Variants in GLS observed in about 807,000 individuals in gnomAD.
GLS encodes the protein glutaminase, also known as glutaminase kidney isoform, mitochondrial.
Under a neutral mutation model 86.7 loss-of-function variants are expected in GLS, and 36 were observed. The ratio of observed to expected loss-of-function variants is 0.42; its 90% CI spans 0.32 to 0.55. The LOEUF (loss-of-function observed/expected upper bound fraction) is 0.55. GLS is among the 20% of genes least tolerant of loss of function. The probability of loss-of-function intolerance (pLI) is 0.17; values close to 1 mark genes in which losing one functional copy is unlikely to be tolerated. For synonymous variants in GLS, 317 were observed against 305.9 expected (o/e 1.04, Z -0.38); for missense variants, 528 against 833.4 (o/e 0.63, Z 4.51).
At chr2:190,892,331 A>C (rs1044996792) in intron 1 of GLS, among the ~76,000 whole-genome samples, 2 of 152,206 alleles carry the variant, frequency 1.3e-5, no homozygotes, top group African/African-American at 4.8e-5. Context: ...ATTTTCCTTC[A>C]GATTATCTTC....
chr2:190,925,956 G>A (rs1388301151), intron 11 of GLS, among the ~76,000 whole-genome samples: 1 of 152,012 alleles, frequency 6.6e-6, no homozygotes, highest in African/African-American at 2.4e-5. Flanking sequence ...CCCCTGGTCT[G>A]TATGAATTTT....
At position 190,954,248 on chromosome 2, in the gene GLS, A is replaced by G. The variant is rs377138966; in HGVS notation, c.1713-336A>G. ...TCTTAGTAAAACATACAACTTTACT[A>G]TAGGGATTAGTTTCTTGCCCTTATG... On this transcript the variant is annotated intron_variant, in intron 15 of 17. Transcript: ENST00000320717. The surrounding 1 kb of genome is among the most constrained non-coding windows in gnomAD (Gnocchi z 4.0). Among the ~76,000 whole-genome samples the G allele has an allele frequency of 1.4e-4, 21 of 152,198 alleles. No individual in the cohort carries two copies. Among genetic ancestry groups the G allele is most frequent in the Non-Finnish European group, 2.4e-4 (16 of 68,014 alleles).
At chr2:190,883,955 A>G (rs1269273730) in intron 1 of GLS, among the ~76,000 whole-genome samples, 22 of 152,186 alleles carry the variant, frequency 1.4e-4, no homozygotes, top group Admixed American at 1.3e-3. Context: ...ACTTTAGACT[A>G]TGCTGTTTCC....
chr2:190,963,019 C>G lies in GLS; in HGVS notation c.*33C>G, dbSNP rs141091957. On this transcript the variant is annotated 3_prime_UTR_variant, in exon 18 of 18. Coordinates refer to ENST00000320717, the MANE Select transcript of GLS (RefSeq NM_014905.5). ...AAATCCCAAGATTTAAATCACTTAC[C>G]TATTTAATTGTGGAAAATGATTATG... The G allele has an allele frequency of 2.3e-5, 33 of 1,445,366 alleles. No individual in the cohort carries two copies. The highest frequency in any genetic ancestry group is 2.8e-5 in the African/African-American group (2 of 70,290). 89.5% of individuals were successfully genotyped at this position (1,445,366 alleles called of 1,614,324 possible). A position where few individuals can be genotyped will look rare whatever the true frequency, so the allele number is the denominator to read the frequency against.
chr2:190,945,070 A>ATAGT (rs3036651), intron 14 of GLS, among the ~76,000 whole-genome samples: 139,278 of 151,844 alleles, frequency 0.92, 63,926 homozygotes, highest in Admixed American at 0.93. Flanking sequence ...GACCCAGTAG[A>ATAGT]TAGTAGTTGC....
chr2:190,904,619 T>G (rs1424939476), intron 5 of GLS, among the ~76,000 whole-genome samples: 1 of 152,166 alleles, frequency 6.6e-6, no homozygotes, highest in Admixed American at 6.5e-5. Context: ...TGTACAGACA[T>G]TTTTTCCTTG....
rs990798420 is a variant in GLS, at chr2:190,962,938, C to T, written c.1962C>T (p.Asn654=). 1.2e-5 allele frequency: 19 copies of T among 1,609,982 alleles called. No individual in the cohort carries two copies. The highest frequency in any genetic ancestry group is 4.5e-5 in the East Asian group (2 of 44,784). ...ACACACCTCAAGGAGATTCTGACAACGGGAAGGAAAATCAAACCGTCCATA... is the reference window on the plus strand; with the variant it reads ...ACACACCTCAAGGAGATTCTGACAATGGGAAGGAAAATCAAACCGTCCATA... The part of the protein sequence containing the change: ...VQYTPQGDSD[N]GKENQTVHKN... The change falls in exon 18 of 18, where the codon AAC becomes AAT. Residue 654 remains asparagine (N), a synonymous_variant. Transcript: ENST00000320717. The surrounding 1 kb of genome is among the most constrained non-coding windows in gnomAD (Gnocchi z 4.2).
chr2:190,937,952 G>A (rs1421797247), intron 14 of GLS, among the ~76,000 whole-genome samples: 1 of 150,200 alleles, frequency 6.7e-6, no homozygotes, highest in Non-Finnish European at 1.5e-5. Context: ...CCCTCAAAAG[G>A]CAAGCGTTAG....
chr2:190,951,154 A>G lies in GLS; in HGVS notation c.1651-2411A>G, dbSNP rs1253834802. Among the ~76,000 whole-genome samples the G allele has an allele frequency of 1.3e-5, 2 of 152,158 alleles. No individual in the cohort carries two copies. Among genetic ancestry groups the G allele is most frequent in the African/African-American group, 4.8e-5 (2 of 41,442 alleles). ...CCTTGGGAGTAGTATTTGGCAGTGG[A>G]AAGTGGGTAATGAATCTGCAAAGCA... On this transcript the variant is annotated intron_variant, in intron 14 of 17. Coordinates refer to ENST00000320717, the MANE Select transcript of GLS (RefSeq NM_014905.5). The surrounding 1 kb of genome is among the most constrained non-coding windows in gnomAD (Gnocchi z 4.2).
rs1342201136 is a variant in GLS, at chr2:190,930,016, C to T, written c.1426-421C>T. 2.6e-5 allele frequency among the ~76,000 whole-genome samples: 4 copies of T among 151,406 alleles called. No homozygotes were observed. Among genetic ancestry groups the T allele is most frequent in the South Asian group, 2.1e-4 (1 of 4,810 alleles). On this transcript the variant is annotated intron_variant, in intron 12 of 17. Transcript: ENST00000320717. The surrounding 1 kb of genome is among the most constrained non-coding windows in gnomAD (Gnocchi z 5.0). Reference sequence around the variant, plus strand: ...GTGCACTTTGGGAGGCTGAGGCGGGCGGATCACAAGGTCAGGAGATAATTT... The same window carrying T: ...GTGCACTTTGGGAGGCTGAGGCGGGTGGATCACAAGGTCAGGAGATAATTT...
At chr2:190,891,450 AC>A (rs1688557081) in intron 1 of GLS, among the ~76,000 whole-genome samples, 1 of 151,902 alleles carries the variant, frequency 6.6e-6, no homozygotes, top group Non-Finnish European at 1.5e-5. Context: ...AAGGTTTTAC[AC>A]AGAAGGCATG....
rs74989699 is a variant in GLS, at chr2:190,926,808, A to G, written c.1249-498A>G. On this transcript the variant is annotated intron_variant, in intron 11 of 17. Coordinates refer to ENST00000320717, the MANE Select transcript of GLS (RefSeq NM_014905.5). ...CCCTTTTTCCTTTGCCTGTTACCAT[A>G]TAGATGGGGATGCCGAACTTTGTTA... is the stretch of plus-strand genomic sequence containing the variant. Among the ~76,000 whole-genome samples the G allele has an allele frequency of 5.7e-3, 875 of 152,268 alleles. 20 individuals are homozygous for G. The highest frequency in any genetic ancestry group is 0.053 in the East Asian group (273 of 5,190).
At chr2:190,884,711 CAG>C (rs1553573417) in intron 1 of GLS, among the ~76,000 whole-genome samples, 97 of 152,074 alleles carry the variant, frequency 6.4e-4, no homozygotes, top group Non-Finnish European at 2.9e-5. Flanking sequence ...AGATACATAA[CAG>C]AAATTGGGCT....
intron 9 of GLS, among the ~76,000 whole-genome samples, 155 bp from the exon 10 acceptor site, chr2:190,923,762 C>T (rs909302643): frequency 6.6e-6 from 1 of 152,196 alleles, no homozygotes; most frequent in African/African-American, 2.4e-5. Flanking sequence ...TCCAAAGTCA[C>T]ACAAATAGCC....
chr2:190,959,287 CT>C (rs1286050868), intron 17 of GLS, among the ~76,000 whole-genome samples: 1 of 151,150 alleles, frequency 6.6e-6, no homozygotes, highest in African/African-American at 2.4e-5. Context: ...AAATATTCCC[CT>C]ATCCTTTTAT....
At chr2:190,936,239 ATTTAATAGGCATATATTTATGTGGAAAG>A (rs1189270892) in intron 14 of GLS, among the ~76,000 whole-genome samples, 1 of 151,156 alleles carries the variant, frequency 6.6e-6, no homozygotes, top group African/African-American at 2.4e-5. Context: ...GACAGTGTAT[ATTTAATAGGCATATATTTATGTGGAAAG>A]AACTGCTGAA....
intron 14 of GLS, among the ~76,000 whole-genome samples, chr2:190,941,134 T>C (rs1690416229): frequency 1.3e-5 from 2 of 152,186 alleles, no homozygotes; most frequent in Admixed American, 6.5e-5. Flanking sequence ...GTGAAGTGTT[T>C]AGGATATGCA....
intron 1 of GLS, among the ~76,000 whole-genome samples, chr2:190,891,752 A>G (rs1274640200): frequency 1.3e-5 from 2 of 152,086 alleles, no homozygotes; most frequent in Non-Finnish European, 2.9e-5. Context: ...TCAGATATAT[A>G]TATTCAGAAT....
chr2:190,901,848 T>C lies in GLS; in HGVS notation c.736-99T>C, dbSNP rs1170107896. On this transcript the variant is annotated intron_variant, in intron 4 of 17. Coordinates refer to ENST00000320717, the MANE Select transcript of GLS (RefSeq NM_014905.5). ...CTGAGTGTTGTAGAATAACTAGTCA[T>C]TGGTAGAAGGTAAAATGAGATAAGA... 3.2e-5 allele frequency: 24 copies of C among 755,628 alleles called. No individual in the cohort carries two copies. The Admixed American group carries it at 4.3e-4, about 13-fold the overall frequency. 46.8% of individuals were successfully genotyped at this position (755,628 alleles called of 1,614,324 possible).
Sources: allele counts gnomAD v4.1 joint callset (sites outside exome capture counted in the v4.1 genomes callset), GRCh38; gene constraint gnomAD v4.1.1; non-coding constraint Gnocchi (gnomAD v3.1); transcripts MANE v1.5; gene names NCBI Gene and HGNC (gene_info 2026-07-23, HGNC 2026-07-21).